Variants in MAP3K9 observed in about 807,000 individuals in gnomAD.
MAP3K9 encodes the protein mixed lineage kinase 1 (tyr and ser/thr specificity).
A neutral mutation model predicts 95.8 loss-of-function variants in MAP3K9; 46 were observed. The observed-to-expected ratio is 0.48, with a 90% CI of 0.38 to 0.61. The LOEUF is 0.61. MAP3K9 is among the 20% of genes least tolerant of loss of function. The probability of loss-of-function intolerance (pLI) is 0.00; values close to 1 mark genes in which losing one functional copy is unlikely to be tolerated. For missense variants in MAP3K9, 1,296 were observed against 1,474.3 expected, an observed-to-expected ratio of 0.88 and a Z score of 1.98; for synonymous variants, 533 against 593.8, an observed-to-expected ratio of 0.90 and a Z score of 1.49.
chr14:70,808,117 C>G (rs938509854), intron 1 of MAP3K9, among the ~76,000 whole-genome samples: 1 of 152,234 alleles, frequency 6.6e-6, no homozygotes, highest in Non-Finnish European at 1.5e-5. Flanking sequence ...TGTCTCACCC[C>G]CACTCTCAAC....
intron 5 of MAP3K9, 31 bp from the exon 6 acceptor site, chr14:70,742,622 G>A: frequency 6.2e-7 from 1 of 1,608,472 alleles, no homozygotes; most frequent in Non-Finnish European, 8.5e-7. Flanking sequence ...TCAGAGAAAA[G>A]ACTGGGGTGC....
At chr14:70,734,278 C>G in intron 10 of MAP3K9, 108 bp downstream of exon 10, 1 of 766,666 alleles carries the variant, frequency 1.3e-6, no homozygotes. Flanking sequence ...CCCAATGTTT[C>G]CTCCATGAAG....
chr14:70,800,985 C>A lies in MAP3K9; in HGVS notation c.502G>T (p.Val168Phe), dbSNP rs753342747. Reference sequence around the variant, plus strand: ...TCGTGGCGAGCTGCTTTCACAGCAACCTCATCCCCTATCCAGAAAGCACGA... The same window carrying A: ...TCGTGGCGAGCTGCTTTCACAGCAAACTCATCCCCTATCCAGAAAGCACGA... ...VYRAFWIGDEVAVKAARHDPD... is the reference protein window; with the variant it reads ...VYRAFWIGDEFAVKAARHDPD... Residue 168 changes from valine (V) to phenylalanine (F), a missense_variant, in exon 2 of 12, where the codon GTT (valine) becomes TTT (phenylalanine). By Grantham distance (50) the Val-to-Phe change is conservative (BLOSUM62 -1). Coordinates refer to ENST00000554752, the MANE Select transcript of MAP3K9 (RefSeq NM_001284230.2). 1 of 1,614,204 alleles carries A rather than the reference C, an allele frequency of 6.2e-7. No homozygotes were observed. The highest frequency in any genetic ancestry group is 1.1e-5 in the South Asian group (1 of 91,082).
At chr14:70,767,838 C>T (rs2054478210) in intron 2 of MAP3K9, among the ~76,000 whole-genome samples, 1 of 152,130 alleles carries the variant, frequency 6.6e-6, no homozygotes, top group Admixed American at 6.5e-5. Flanking sequence ...CAGGTGCGCA[C>T]CACCAACCCC....
chr14:70,773,917 T>C (rs1462003632), intron 2 of MAP3K9, among the ~76,000 whole-genome samples: 2 of 152,220 alleles, frequency 1.3e-5, no homozygotes, highest in Non-Finnish European at 2.9e-5. Flanking sequence ...TCTAACTGAA[T>C]TAATACAGAG....
intron 2 of MAP3K9, among the ~76,000 whole-genome samples, chr14:70,783,802 C>G (rs1169558828): frequency 6.6e-6 from 1 of 152,056 alleles, no homozygotes; most frequent in African/African-American, 2.4e-5. Flanking sequence ...AAGGCCCGCT[C>G]ACCTCCCAGA....
At chr14:70,734,628 G>A in intron 9 of MAP3K9, 130 bp from the exon 10 acceptor site, 1 of 628,858 alleles carries the variant, frequency 1.6e-6, no homozygotes, top group Non-Finnish European at 2.8e-6. Context: ...AGTACATACA[G>A]GCAATGACTC....
At chr14:70,792,082 A>G (rs1249366316) in intron 2 of MAP3K9, among the ~76,000 whole-genome samples, 1 of 152,160 alleles carries the variant, frequency 6.6e-6, no homozygotes, top group Admixed American at 6.5e-5. Flanking sequence ...TATTTGCTTC[A>G]TTTCAGCTTT....
intron 1 of MAP3K9, among the ~76,000 whole-genome samples, chr14:70,802,683 T>G (rs2054943934): frequency 6.6e-6 from 1 of 152,120 alleles, no homozygotes; most frequent in Non-Finnish European, 1.5e-5. Flanking sequence ...AACACTTCCA[T>G]GGCAGTTTCC....
intron 2 of MAP3K9, among the ~76,000 whole-genome samples, chr14:70,796,942 C>T (rs1173550572): frequency 2.0e-5 from 3 of 152,180 alleles, no homozygotes; most frequent in Admixed American, 6.5e-5. Context: ...TTTGGCTTTT[C>T]GGGCTACGTA....
At chr14:70,735,187 T>G (rs2053967401) in intron 9 of MAP3K9, among the ~76,000 whole-genome samples, 1 of 152,114 alleles carries the variant, frequency 6.6e-6, no homozygotes, top group Non-Finnish European at 1.5e-5. Flanking sequence ...TCAGCCCATA[T>G]GGAAAGCCGG....
rs2053830319 is a variant in MAP3K9, at chr14:70,727,144, A to G, written c.*3236T>C. ...ATGATGTCATTTTGCAAAGGTCAGG[A>G]GGAAAAGTTAGCACTATTCTGAGTT... On this transcript the variant is annotated 3_prime_UTR_variant, in exon 12 of 12. Transcript: ENST00000554752. 6.6e-6 allele frequency: 1 copy of G among 152,226 alleles called. No individual in the cohort carries two copies. Among genetic ancestry groups the G allele is most frequent in the Admixed American group, 6.5e-5 (1 of 15,284 alleles). The allele number at this position is 152,226 out of a possible 1,614,324, so 9.4% of individuals were successfully genotyped here. A position where few individuals can be genotyped will look rare whatever the true frequency, so the allele number is the denominator to read the frequency against.
intron 1 of MAP3K9, among the ~76,000 whole-genome samples, chr14:70,803,774 T>C (rs117770018): frequency 6.6e-6 from 1 of 152,234 alleles, no homozygotes; most frequent in Non-Finnish European, 1.5e-5. Context: ...TCCTGAAGAA[T>C]GAATGTCATG....
rs182842387 is a variant in MAP3K9, at chr14:70,804,729, A to G, written c.407-3649T>C. On this transcript the variant is annotated intron_variant, in intron 1 of 11. Transcript: ENST00000554752. Reference sequence around the variant, plus strand: ...GGTTTAAAAGACATGATTCAGTACTAGGGTGCTGAAAGGACAGCTCCTCTA... The same window carrying G: ...GGTTTAAAAGACATGATTCAGTACTGGGGTGCTGAAAGGACAGCTCCTCTA... Among the ~76,000 whole-genome samples, 7 of 152,338 alleles carry G rather than the reference A, an allele frequency of 4.6e-5. No homozygotes were observed. In the East Asian group the frequency reaches 1.3e-3, roughly 29 times the overall value.
chr14:70,738,153 C>G, intron 8 of MAP3K9, 92 bp downstream of exon 8: 1 of 1,325,462 alleles, frequency 7.5e-7, no homozygotes, highest in African/African-American at 1.5e-5. Context: ...CAATCAAACA[C>G]ACGACAGAGA....
At chr14:70,746,315 T>C (rs1228683464) in intron 5 of MAP3K9, among the ~76,000 whole-genome samples, 1 of 152,154 alleles carries the variant, frequency 6.6e-6, no homozygotes, top group Non-Finnish European at 1.5e-5. Context: ...ATAGGGTAAA[T>C]GAGGAAACTT....
intron 2 of MAP3K9, 149 bp from the exon 3 acceptor site, chr14:70,761,331 TAA>T (rs2054372104): frequency 1.5e-6 from 1 of 649,526 alleles, no homozygotes; most frequent in African/African-American, 1.8e-5. Context: ...CATCATTTCT[TAA>T]ACACCTACAG....
chr14:70,755,973 A>T (rs2054293308), intron 3 of MAP3K9, among the ~76,000 whole-genome samples: 1 of 152,174 alleles, frequency 6.6e-6, no homozygotes, highest in East Asian at 1.9e-4. Context: ...TCCTCTAGAG[A>T]GTAGAATAAT....
At chr14:70,754,548 T>C (rs2139765756) in intron 3 of MAP3K9, among the ~76,000 whole-genome samples, 1 of 152,306 alleles carries the variant, frequency 6.6e-6, no homozygotes, top group African/African-American at 2.4e-5. Context: ...CTCAGCTCAC[T>C]GCAAGCTCCA....
Sources: gnomAD v4.1 joint callset for allele counts (sites outside exome capture counted in the v4.1 genomes callset) on GRCh38, gnomAD v4.1.1 for gene constraint, MANE v1.5 for transcripts, NCBI Gene and HGNC (gene_info 2026-07-23, HGNC 2026-07-21) for gene names.